The following PPP1R2 variants were observed in gnomAD, a reference collection of about 807,000 sequenced individuals.
The protein encoded by PPP1R2 is protein phosphatase inhibitor 2.
In PPP1R2, 16 loss-of-function variants were observed where a neutral mutation model predicts 29.9. The ratio of observed to expected loss-of-function variants is 0.53; its 90% CI spans 0.36 to 0.81. The LOEUF (loss-of-function observed/expected upper bound fraction) is 0.81, where lower values mean the gene tolerates loss of function less well. Among genes scored for constraint, PPP1R2 ranks in the 30% least tolerant of loss-of-function variants. The pLI is 0.00. For synonymous variants in PPP1R2, 76 were observed against 91.5 expected (o/e 0.83, Z 0.96); for missense variants, 197 against 252.7 (o/e 0.78, Z 1.49).
In PPP1R2 at chr3:195,515,774, CAGTT is replaced by C. The variant is rs1307450573; in HGVS notation, c.*1118_*1121del. On this transcript the variant is annotated 3_prime_UTR_variant, in exon 6 of 6. Coordinates refer to ENST00000618156, the MANE Select transcript of PPP1R2 (RefSeq NM_006241.8). ...TCAAAAAACAAACAAAAAAAACCCT[CAGTT>C]AGTTGTTTTCTTAAGTCTAATTAAT... 4.6e-5 allele frequency: 7 copies of C among 152,186 alleles called. No homozygotes were observed. Among genetic ancestry groups the C allele is most frequent in the Middle Eastern group, 3.4e-3 (1 of 294 alleles). 9.4% of individuals were successfully genotyped at this position (152,186 alleles called of 1,614,324 possible).
chr3:195,526,103 A>ATTTTTT (rs71180929), intron 2 of PPP1R2, among the ~76,000 whole-genome samples: 40 of 146,064 alleles, frequency 2.7e-4, no homozygotes, highest in South Asian at 1.7e-3. Flanking sequence ...CTTAAATAAA[A>ATTTTTT]TTTTTTTTTT....
At chr3:195,538,647 T>C (rs903610019) in intron 1 of PPP1R2, among the ~76,000 whole-genome samples, 90 of 152,346 alleles carry the variant, frequency 5.9e-4, no homozygotes, top group African/African-American at 2.0e-3. Context: ...GGCATAATTT[T>C]TTCAAGCAGA....
chr3:195,521,779 T>G lies in PPP1R2; in HGVS notation c.403+1913A>C, dbSNP rs550830313. On this transcript the variant is annotated intron_variant, in intron 4 of 5. Transcript: ENST00000618156. ...AATTCTTGTGCCCCAGCCTCCCGAG[T>G]AGCTGGGATTAGAGGCGCCCACCAC... Among the ~76,000 whole-genome samples the G allele has an allele frequency of 7.0e-4, 107 of 151,860 alleles. 1 individual carries two copies. Among genetic ancestry groups the G allele is most frequent in the African/African-American group, 2.5e-3 (102 of 41,368 alleles).
rs1286875896 is a variant in PPP1R2, at chr3:195,523,704, G to A, written c.391C>T (p.Pro131Ser). Residue 131 changes from proline to serine, a missense_variant, in exon 4 of 6, where the codon CCT becomes TCT. Physicochemically the swap from Pro to Ser is moderately conservative, Grantham distance 74 (BLOSUM62 -1). Coordinates refer to ENST00000618156, the MANE Select transcript of PPP1R2 (RefSeq NM_006241.8). Reference sequence around the variant, plus strand: ...GGAAATAAACTACCTCGTTCTTCAGGTGAGAGGTCACTATCCTCCTCTCCA... The same window carrying A: ...GGAAATAAACTACCTCGTTCTTCAGATGAGAGGTCACTATCCTCCTCTCCA... Reference protein sequence around the residue: ...SSGEEDSDLSPEEREKKRQFE... With the variant: ...SSGEEDSDLSSEEREKKRQFE... 6.2e-7 allele frequency: 1 copy of A among 1,613,128 alleles called. No homozygotes were observed. Among genetic ancestry groups the A allele is most frequent in the South Asian group, 1.1e-5 (1 of 91,026 alleles).
rs371183325 is a variant in PPP1R2, at chr3:195,542,637, C to A, written c.122+267G>T. ...GAAGATCTGAAGCTTCAATTTCATT[C>A]TTTGATGTTCCCGATTACAGAAAGT... On this transcript the variant is annotated intron_variant, in intron 1 of 5. Transcript: ENST00000618156. Among the ~76,000 whole-genome samples the A allele has an allele frequency of 3.3e-5, 5 of 151,970 alleles. No homozygotes were observed. The East Asian group carries it at 5.8e-4, about 18-fold the overall frequency.
intron 2 of PPP1R2, among the ~76,000 whole-genome samples, chr3:195,525,121 T>A (rs1354602835): frequency 6.6e-6 from 1 of 152,034 alleles, no homozygotes; most frequent in Non-Finnish European, 1.5e-5. Context: ...AACACATAAA[T>A]ACAGTCTGCC....
At chr3:195,523,878 G>C in intron 3 of PPP1R2, 92 bp from the exon 4 acceptor site, 2 of 1,056,364 alleles carry the variant, frequency 1.9e-6, no homozygotes, top group East Asian at 2.5e-5. Flanking sequence ...AAAAACATCT[G>C]AAGATCATTA....
intron 2 of PPP1R2, among the ~76,000 whole-genome samples, chr3:195,528,217 G>C (rs1719046805): frequency 6.6e-6 from 1 of 152,080 alleles, no homozygotes; most frequent in Non-Finnish European, 1.5e-5. Context: ...GCTTATAAGT[G>C]AGAACATACA....
Position 195,543,255 on chromosome 3 carries a change from G to T in PPP1R2, c.-230C>A. On this transcript the variant is annotated 5_prime_UTR_variant, in exon 1 of 6. Coordinates refer to ENST00000618156, the MANE Select transcript of PPP1R2 (RefSeq NM_006241.8). Reference sequence around the variant, plus strand: ...GCTACTCGCGCACCCTTAGCCACTGGCACTTGACCCGCGGCTCGCGGAGAG... The same window carrying T: ...GCTACTCGCGCACCCTTAGCCACTGTCACTTGACCCGCGGCTCGCGGAGAG... 1 of 450,448 alleles carries T rather than the reference G, an allele frequency of 2.2e-6. No individual in the cohort carries two copies. The highest frequency in any genetic ancestry group is 3.8e-6 in the Non-Finnish European group (1 of 265,540). The allele number at this position is 450,448 out of a possible 1,614,324, so 27.9% of individuals were successfully genotyped here.
chr3:195,532,234 T>TTA (rs1459451029), intron 1 of PPP1R2, among the ~76,000 whole-genome samples: 4 of 149,560 alleles, frequency 2.7e-5, no homozygotes, highest in Non-Finnish European at 4.4e-5. Flanking sequence ...TTTTTTTTTT[T>TTA]ACAGGTGGAG....
At chr3:195,535,519 T>C (rs1368284991) in intron 1 of PPP1R2, among the ~76,000 whole-genome samples, 1 of 152,182 alleles carries the variant, frequency 6.6e-6, no homozygotes, top group Non-Finnish European at 1.5e-5. Context: ...AAGGAACTAA[T>C]GAGATTGTGG....
At chr3:195,538,999 C>T (rs1317228401) in intron 1 of PPP1R2, among the ~76,000 whole-genome samples, 1 of 152,144 alleles carries the variant, frequency 6.6e-6, no homozygotes, top group Non-Finnish European at 1.5e-5. Flanking sequence ...TAGGCTTTAG[C>T]AATATTTACT....
chr3:195,543,175 G>T lies in PPP1R2; in HGVS notation c.-150C>A. 8.9e-7 allele frequency: 1 copy of T among 1,125,934 alleles called. No homozygotes were observed. Among genetic ancestry groups the T allele is most frequent in the Non-Finnish European group, 1.2e-6 (1 of 828,014 alleles). 69.7% of individuals were successfully genotyped at this position (1,125,934 alleles called of 1,614,324 possible). A position where few individuals can be genotyped will look rare whatever the true frequency, so the allele number is the denominator to read the frequency against. On this transcript the variant is annotated 5_prime_UTR_variant, in exon 1 of 6. In the 5' UTR this introduces an upstream ATG that the reference lacks. Coordinates refer to ENST00000618156, the MANE Select transcript of PPP1R2 (RefSeq NM_006241.8). ...TGCTGCCTCGGAAACGGCTACCGCA[G>T]CGGTTGTCACGACACAACGACCCCG...
At chr3:195,526,904 C>G (rs1475058812) in intron 2 of PPP1R2, among the ~76,000 whole-genome samples, 1 of 152,138 alleles carries the variant, frequency 6.6e-6, no homozygotes, top group Non-Finnish European at 1.5e-5. Context: ...GCCTCAGCCT[C>G]CCGAGTAGCT....
At chr3:195,517,637 T>G (rs1718595869) in intron 5 of PPP1R2, among the ~76,000 whole-genome samples, 1 of 152,116 alleles carries the variant, frequency 6.6e-6, no homozygotes, top group Non-Finnish European at 1.5e-5. Context: ...TAATATCTTA[T>G]AAGCAGAGAC....
rs10717955 is a variant in PPP1R2 at position 195,536,788 on chromosome 3, CAA to C, written c.122+6114_122+6115del. Among the ~76,000 whole-genome samples, 577 of 72,492 alleles carry C rather than the reference CAA, an allele frequency of 8.0e-3. 3 individuals are homozygous for C. Among genetic ancestry groups the C allele is most frequent in the African/African-American group, 0.026 (529 of 20,100 alleles). 47.6% of individuals were successfully genotyped at this position (72,492 alleles called of 152,430 possible). A position where few individuals can be genotyped will look rare whatever the true frequency, so the allele number is the denominator to read the frequency against. ...GGGCGACAAGAGCGAAACTCCGTCT[CAA>C]AAAAAAAAAAAAAAAAAAAAGACAA... On this transcript the variant is annotated intron_variant, in intron 1 of 5. Transcript: ENST00000618156.
chr3:195,531,883 G>A (rs1577577418), intron 1 of PPP1R2, among the ~76,000 whole-genome samples: 1 of 152,216 alleles, frequency 6.6e-6, no homozygotes, highest in South Asian at 2.1e-4. Flanking sequence ...CCCTAGACCT[G>A]GCAACCACCA....
At chr3:195,529,361 T>C (rs1719099276) in intron 2 of PPP1R2, 1 of 152,984 alleles carries the variant, frequency 6.5e-6, no homozygotes, top group African/African-American at 2.4e-5. Flanking sequence ...TTACATTAAG[T>C]TAAAAAATGA....
At chr3:195,529,539 T>TAG in intron 2 of PPP1R2, 1 of 302,110 alleles carries the variant, frequency 3.3e-6, no homozygotes, top group Admixed American at 4.9e-5. Context: ...GCACCATTAG[T>TAG]AGCTAGCAAC....
Sources: allele counts gnomAD v4.1 joint callset (sites outside exome capture counted in the v4.1 genomes callset), GRCh38; gene constraint gnomAD v4.1.1; transcripts MANE v1.5; gene names NCBI Gene and HGNC (gene_info 2026-07-23, HGNC 2026-07-21).